SPINK1: variants seen among roughly 807,000 people sequenced by gnomAD.
SPINK1 encodes the protein serine peptidase inhibitor Kazal type 1.
A neutral mutation model predicts 9.5 loss-of-function variants in SPINK1; 5 were observed. That is an observed-to-expected ratio of 0.52 (90% CI 0.27 to 1.10). The LOEUF is 1.10. Among genes scored for constraint, SPINK1 ranks in the 50% least tolerant of loss-of-function variants. The probability of loss-of-function intolerance (pLI) is 0.11; values close to 1 mark genes in which losing one functional copy is unlikely to be tolerated. For missense variants in SPINK1, 88 were observed against 92.7 expected (o/e 0.95, Z 0.21); for synonymous variants, 37 against 32.3 (o/e 1.14, Z -0.49).
At chr5:147,824,915 G>A (rs926692230) in intron 3 of SPINK1, among the ~76,000 whole-genome samples, 1 of 152,042 alleles carries the variant, frequency 6.6e-6, no homozygotes, top group Non-Finnish European at 1.5e-5. Flanking sequence ...ATACACTAAG[G>A]ATACAACAGA....
intron 3 of SPINK1, 55 bp from the exon 4 acceptor site, chr5:147,824,761 G>C (rs1335250893): frequency 4.6e-6 from 7 of 1,519,890 alleles, no homozygotes; most frequent in African/African-American, 1.4e-5. Context: ...ATGAAAAAGT[G>C]ACTATGGGAG....
At chr5:147,828,907 T>G (rs1756459659) in intron 2 of SPINK1, among the ~76,000 whole-genome samples, 1 of 151,046 alleles carries the variant, frequency 6.6e-6, no homozygotes, top group Non-Finnish European at 1.5e-5. Flanking sequence ...TTTTTTTTTT[T>G]GGCTCAAAAT....
intron 2 of SPINK1, among the ~76,000 whole-genome samples, chr5:147,828,898 T>A (rs1440672543): frequency 6.6e-6 from 1 of 151,704 alleles, no homozygotes; most frequent in African/African-American, 2.4e-5. Context: ...AACACTCATT[T>A]TTTTTTTTTG....
At position 147,830,949 on chromosome 5, in the gene SPINK1, A is replaced by T. The variant is rs561478753; in HGVS notation, c.55+574T>A. Among the ~76,000 whole-genome samples, 36 of 152,306 alleles carry T rather than the reference A, an allele frequency of 2.4e-4. No homozygotes were observed. In the South Asian group the frequency reaches 6.6e-3, roughly 28 times the overall value. On this transcript the variant is annotated intron_variant, in intron 1 of 3. Coordinates refer to ENST00000296695, the MANE Select transcript of SPINK1 (RefSeq NM_001379610.1). ...TGTGTAATGTAAATACACAAAATGC[A>T]ATTTTTGTATTTCCAGATACTAATA... is the stretch of plus-strand genomic sequence containing the variant.
the SPINK1 span, among the ~76,000 whole-genome samples, chr5:147,837,021 G>A: frequency 0.052 from 7,976 of 152,226 alleles, 384 homozygotes; most frequent in South Asian, 0.16. Flanking sequence ...CAGAATGACA[G>A]ACCTCAGTTC....
Position 147,824,857 on chromosome 5 carries a change from A to G in SPINK1, c.195-151T>C, listed in dbSNP as rs1756372161. On this transcript the variant is annotated intron_variant, in intron 3 of 3. Transcript: ENST00000296695. ...TTTTCTCTGTCTTTCATTCATTTAT[A>G]CATTCACTTAGTCATTAATTCATCA... The G allele has an allele frequency of 4.2e-6, 3 of 720,506 alleles. No homozygotes were observed. In the East Asian group the frequency reaches 8.1e-5, roughly 19 times the overall value. 44.6% of individuals were successfully genotyped at this position (720,506 alleles called of 1,614,324 possible). A position where few individuals can be genotyped will look rare whatever the true frequency, so the allele number is the denominator to read the frequency against.
intron 3 of SPINK1, chr5:147,827,811 G>T: frequency 2.2e-6 from 1 of 454,894 alleles, no homozygotes; most frequent in Non-Finnish European, 3.9e-6. Flanking sequence ...CGACTATTTT[G>T]CTGTAAAAAA....
upstream of SPINK1, among the ~76,000 whole-genome samples, chr5:147,835,213 A>G (rs969707870): frequency 1.3e-5 from 2 of 152,154 alleles, no homozygotes; most frequent in African/African-American, 2.4e-5. Context: ...TTTCTCAACT[A>G]CAAAAATACA....
intron 1 of SPINK1, among the ~76,000 whole-genome samples, chr5:147,830,094 G>A (rs1756482900): frequency 6.6e-6 from 1 of 152,172 alleles, no homozygotes; most frequent in Non-Finnish European, 1.5e-5. Flanking sequence ...GTTATCATAA[G>A]CAGTAACCAG....
chr5:147,829,181 A>C (rs1374781318), intron 2 of SPINK1, among the ~76,000 whole-genome samples: 1 of 152,190 alleles, frequency 6.6e-6, no homozygotes, highest in East Asian at 1.9e-4. Flanking sequence ...CTAGAAGGAG[A>C]ACCTAGTTTA....
At chr5:147,837,698 T>C in the SPINK1 span, among the ~76,000 whole-genome samples, 14 of 149,730 alleles carry the variant, frequency 9.4e-5, no homozygotes, top group African/African-American at 3.0e-4. Context: ...TCTTTCTTTC[T>C]TTCTTTCTTT....
upstream of SPINK1, among the ~76,000 whole-genome samples, chr5:147,836,119 T>A (rs966099047): frequency 8.5e-5 from 13 of 152,130 alleles, no homozygotes; most frequent in African/African-American, 3.1e-4. Context: ...ATTATCATTA[T>A]AGCCACTACT....
intron 3 of SPINK1, among the ~76,000 whole-genome samples, chr5:147,825,649 C>T (rs1756389092): frequency 1.3e-5 from 2 of 152,022 alleles, no homozygotes; most frequent in South Asian, 4.1e-4. Context: ...ACCATGTTGG[C>T]CAGGCTGGTC....
intron 1 of SPINK1, among the ~76,000 whole-genome samples, chr5:147,831,081 T>C (rs761101685): frequency 6.6e-6 from 1 of 152,196 alleles, no homozygotes; most frequent in African/African-American, 2.4e-5. Context: ...CTGAAACCTA[T>C]ACAATAAAAA....
chr5:147,832,454 C>T (rs755697656), upstream of SPINK1, among the ~76,000 whole-genome samples: 11 of 152,116 alleles, frequency 7.2e-5, no homozygotes, highest in African/African-American at 2.4e-4. Context: ...ATATAACAAA[C>T]GACCTTAGAA....
At chr5:147,824,934 AT>A (rs1477678658) in intron 3 of SPINK1, among the ~76,000 whole-genome samples, 1 of 152,218 alleles carries the variant, frequency 6.6e-6, no homozygotes, top group Admixed American at 6.5e-5. Context: ...GAAAGGAAAA[AT>A]ATCTGTCCTT....
At chr5:147,828,355 G>A (rs929651476) in intron 2 of SPINK1, among the ~76,000 whole-genome samples, 1 of 152,182 alleles carries the variant, frequency 6.6e-6, no homozygotes, top group African/African-American at 2.4e-5. Context: ...TGGCCCTTCT[G>A]AAACTCAGTC....
chr5:147,825,440 T>A (rs1309474811), intron 3 of SPINK1, among the ~76,000 whole-genome samples: 1 of 150,802 alleles, frequency 6.6e-6, no homozygotes. Flanking sequence ...CTTTTCTTTT[T>A]TTCTTTTTTT....
upstream of SPINK1, among the ~76,000 whole-genome samples, chr5:147,834,138 T>C (rs1321610631): frequency 1.3e-5 from 2 of 152,212 alleles, no homozygotes; most frequent in Admixed American, 6.6e-5. Context: ...ACGATTATTA[T>C]GTAATATCTT....
Sources: gnomAD v4.1 joint callset for allele counts (sites outside exome capture counted in the v4.1 genomes callset) on GRCh38, gnomAD v4.1.1 for gene constraint, MANE v1.5 for transcripts, NCBI Gene and HGNC (gene_info 2026-07-23, HGNC 2026-07-21) for gene names.